IMMP2L: variants seen among roughly 807,000 people sequenced by gnomAD.
IMMP2L encodes inner mitochondrial membrane peptidase subunit 2, also known as mitochondrial inner membrane protease subunit 2.
In IMMP2L, 18 loss-of-function variants were observed where a neutral mutation model predicts 19.3. The ratio of observed to expected loss-of-function variants is 0.93; its 90% CI spans 0.64 to 1.38. The LOEUF (loss-of-function observed/expected upper bound fraction) is 1.38, where lower values mean the gene tolerates loss of function less well. IMMP2L is among the 40% of genes most tolerant of loss of function. The pLI, the probability that IMMP2L is intolerant of heterozygous loss-of-function variation, is 0.00. For synonymous variants in IMMP2L, 76 were observed against 73.0 expected (o/e 1.04, Z -0.21); for missense variants, 233 against 218.2 (o/e 1.07, Z -0.43).
At chr7:110,896,432 A>T (rs1811327466) in intron 4 of IMMP2L, among the ~76,000 whole-genome samples, 1 of 152,190 alleles carries the variant, frequency 6.6e-6, no homozygotes, top group African/African-American at 2.4e-5. Flanking sequence ...AGCCAATTTA[A>T]ATACAATAGT....
intron 3 of IMMP2L, among the ~76,000 whole-genome samples, chr7:111,412,360 A>G (rs533923630): frequency 6.6e-6 from 1 of 151,812 alleles, no homozygotes; most frequent in African/African-American, 2.4e-5. Context: ...GAATACACAT[A>G]ATTTGCTAAT....
chr7:111,498,626 GT>G (rs1843828804), intron 2 of IMMP2L, among the ~76,000 whole-genome samples: 1 of 152,078 alleles, frequency 6.6e-6, no homozygotes, highest in South Asian at 2.1e-4. Context: ...TCAGAAGCAT[GT>G]AACTCCAAAG....
chr7:111,421,862 T>C lies in IMMP2L; in HGVS notation c.239+65376A>G, dbSNP rs1033836054. On this transcript the variant is annotated intron_variant, in intron 3 of 5. Coordinates refer to ENST00000405709, the MANE Select transcript of IMMP2L (RefSeq NM_032549.4). Reference sequence around the variant, plus strand: ...GGTTTTTATGGTTTTAGGTCTAGCATAGAAGTCTTTAATCCATCTTGAATT... The same window carrying C: ...GGTTTTTATGGTTTTAGGTCTAGCACAGAAGTCTTTAATCCATCTTGAATT... Among the ~76,000 whole-genome samples, 9 of 151,866 alleles carry C rather than the reference T, an allele frequency of 5.9e-5. 1 individual carries two copies. The highest frequency in any genetic ancestry group is 1.9e-4 in the African/African-American group (8 of 41,150).
intron 3 of IMMP2L, chr7:111,411,976 T>C (rs1834477516): frequency 6.5e-6 from 1 of 153,398 alleles, no homozygotes; most frequent in Non-Finnish European, 1.5e-5. Flanking sequence ...TTGTGACTTG[T>C]TCTCCCCAGC....
At chr7:111,048,890 A>C (rs961946698) in intron 3 of IMMP2L, among the ~76,000 whole-genome samples, 4 of 152,134 alleles carry the variant, frequency 2.6e-5, no homozygotes, top group African/African-American at 9.7e-5. Flanking sequence ...CGCTGTCCTC[A>C]GAAGAGATTC....
chr7:110,792,168 G>C (rs1363909276), intron 5 of IMMP2L, among the ~76,000 whole-genome samples: 1 of 151,646 alleles, frequency 6.6e-6, no homozygotes, highest in Non-Finnish European at 1.5e-5. Context: ...AGGCAGACAG[G>C]TTTGACACGT....
At chr7:111,547,432 T>G (rs1263187224) in intron 1 of IMMP2L, among the ~76,000 whole-genome samples, 1 of 151,922 alleles carries the variant, frequency 6.6e-6, no homozygotes, top group Non-Finnish European at 1.5e-5. Context: ...CGGACAAGTA[T>G]GGGCCCAAAT....
intron 3 of IMMP2L, among the ~76,000 whole-genome samples, chr7:111,242,220 A>T (rs1475042022): frequency 6.6e-6 from 1 of 152,092 alleles, no homozygotes; most frequent in Non-Finnish European, 1.5e-5. Context: ...TGTGTTGCTC[A>T]GTGATCAGTC....
chr7:111,348,706 G>GTGA (rs924141878), intron 3 of IMMP2L, among the ~76,000 whole-genome samples: 14 of 152,094 alleles, frequency 9.2e-5, no homozygotes, highest in African/African-American at 3.1e-4. Context: ...CTAGACTTGT[G>GTGA]TGATAGTCTT....
intron 5 of IMMP2L, among the ~76,000 whole-genome samples, chr7:110,705,461 G>T (rs1055237891): frequency 6.6e-6 from 1 of 152,038 alleles, no homozygotes; most frequent in Non-Finnish European, 1.5e-5. Flanking sequence ...AATGAATTTT[G>T]CCAACATAAT....
intron 5 of IMMP2L, among the ~76,000 whole-genome samples, chr7:110,691,257 T>C (rs938782258): frequency 1.3e-5 from 2 of 152,022 alleles, no homozygotes; most frequent in Admixed American, 1.3e-4. Flanking sequence ...AAGAAAACTG[T>C]ACAGTCACCT....
chr7:110,722,642 C>A (rs144641569), intron 5 of IMMP2L, among the ~76,000 whole-genome samples: 1,784 of 152,138 alleles, frequency 0.012, 25 homozygotes, highest in South Asian at 0.047. Context: ...AAAATATATG[C>A]CGATTTTTGT....
In IMMP2L at chr7:110,760,947, G is replaced by C. The variant is rs1798317492; in HGVS notation, c.409-97226C>G. On this transcript the variant is annotated intron_variant, in intron 5 of 5. Coordinates refer to ENST00000405709, the MANE Select transcript of IMMP2L (RefSeq NM_032549.4). The surrounding 1 kb of genome is among the most constrained non-coding windows in gnomAD (Gnocchi z 4.2). The stretch of plus-strand genomic sequence containing the variant: ...AGTGACATAAGTGGGTTGGAGAATA[G>C]AGAAAGCAAACATTGCAATGCAGCG... Among the ~76,000 whole-genome samples the C allele has an allele frequency of 6.6e-6, 1 of 152,102 alleles. No homozygotes were observed. The highest frequency in any genetic ancestry group is 2.4e-5 in the African/African-American group (1 of 41,440).
intron 3 of IMMP2L, among the ~76,000 whole-genome samples, chr7:111,048,044 C>G (rs1185930497): frequency 6.6e-6 from 1 of 151,620 alleles, no homozygotes; most frequent in African/African-American, 2.4e-5. Flanking sequence ...TTGAGACCAT[C>G]CTGGCTAACA....
intron 3 of IMMP2L, among the ~76,000 whole-genome samples, chr7:111,439,928 T>C (rs1644147938): frequency 1.3e-5 from 2 of 151,958 alleles, no homozygotes; most frequent in South Asian, 4.1e-4. Flanking sequence ...ACAATGTTCA[T>C]AGCATCTTCA....
chr7:110,692,154 A>T (rs1250130298), intron 5 of IMMP2L, among the ~76,000 whole-genome samples: 1 of 152,152 alleles, frequency 6.6e-6, no homozygotes, highest in Non-Finnish European at 1.5e-5. Context: ...CTACTCAGCC[A>T]TAAAAAGGAA....
chr7:111,466,494 C>A (rs1199585416), intron 3 of IMMP2L, among the ~76,000 whole-genome samples: 1 of 151,982 alleles, frequency 6.6e-6, no homozygotes, highest in East Asian at 1.9e-4. Context: ...TAAAAAATTC[C>A]CTTACTTGGC....
intron 3 of IMMP2L, among the ~76,000 whole-genome samples, chr7:111,054,817 A>G (rs1793344263): frequency 6.6e-6 from 1 of 152,232 alleles, no homozygotes; most frequent in African/African-American, 2.4e-5. Context: ...AGTCTTCGAC[A>G]GTTCAGGATA....
chr7:111,284,668 G>A (rs570912583), intron 3 of IMMP2L, among the ~76,000 whole-genome samples: 1 of 152,120 alleles, frequency 6.6e-6, no homozygotes, highest in East Asian at 1.9e-4. Flanking sequence ...AAATAAGAAA[G>A]GTTGCAGGCA....
Sources: gnomAD v4.1 joint callset for allele counts (sites outside exome capture counted in the v4.1 genomes callset) on GRCh38, gnomAD v4.1.1 for gene constraint, Gnocchi (gnomAD v3.1) non-coding constraint, MANE v1.5 for transcripts, NCBI Gene and HGNC (gene_info 2026-07-23, HGNC 2026-07-21) for gene names.